Variants in PRLR observed in about 807,000 individuals in gnomAD.
PRLR encodes hPRL receptor.
PRLR carries 13 observed loss-of-function variants against 40.2 expected under a neutral mutation model. The observed-to-expected ratio is 0.32, with a 90% CI of 0.21 to 0.51. The LOEUF is 0.51. Among genes scored for constraint, PRLR ranks in the 20% least tolerant of loss-of-function variants. PRLR has a pLI of 0.97. For synonymous variants in PRLR, 269 were observed against 278.7 expected, an observed-to-expected ratio of 0.97 and a Z score of 0.35; for missense variants, 656 against 747.3, an observed-to-expected ratio of 0.88 and a Z score of 1.42.
chr5:35,134,375 C>T lies in PRLR; in HGVS notation c.-105-16253G>A, dbSNP rs867068464. ...GGCGCTGTGAAGATCATATTGCTTT[C>T]TGGTCACTCTGGTGAATAAGGGCGG... On this transcript the variant is annotated intron_variant, in intron 1 of 9. Transcript: ENST00000618457. Among the ~76,000 whole-genome samples, 5 of 144,310 alleles carry T rather than the reference C, an allele frequency of 3.5e-5. 1 individual carries two copies. Among genetic ancestry groups the T allele is most frequent in the South Asian group, 4.5e-4 (2 of 4,458 alleles). The allele number at this position is 144,310 out of a possible 152,430, so 94.7% of individuals were successfully genotyped here.
At chr5:35,109,907 C>T (rs1772538626) in intron 2 of PRLR, among the ~76,000 whole-genome samples, 1 of 152,202 alleles carries the variant, frequency 6.6e-6, no homozygotes, top group Non-Finnish European at 1.5e-5. Flanking sequence ...GCTATAAAGA[C>T]ACATGCACAC....
intron 1 of PRLR, among the ~76,000 whole-genome samples, chr5:35,140,279 T>C (rs1485928640): frequency 6.6e-6 from 1 of 152,252 alleles, no homozygotes; most frequent in African/African-American, 2.4e-5. Context: ...TACTGAACTC[T>C]ATTATTCCTG....
At chr5:35,119,786 C>A (rs1773219840) in intron 1 of PRLR, among the ~76,000 whole-genome samples, 1 of 152,164 alleles carries the variant, frequency 6.6e-6, no homozygotes, top group Admixed American at 6.5e-5. Context: ...ACACTCTTGG[C>A]AGAAACACTG....
intron 1 of PRLR, among the ~76,000 whole-genome samples, chr5:35,180,596 T>G (rs1350931714): frequency 6.6e-6 from 1 of 152,144 alleles, no homozygotes; most frequent in East Asian, 1.9e-4. Flanking sequence ...CCCTTTTTTT[T>G]TTATTATACT....
At chr5:35,175,837 G>T (rs2111960902) in intron 1 of PRLR, among the ~76,000 whole-genome samples, 1 of 151,834 alleles carries the variant, frequency 6.6e-6, no homozygotes, top group African/African-American at 2.4e-5. Flanking sequence ...TCTTCTTATT[G>T]TTCAACTATC....
chr5:35,178,178 T>C (rs922721798), intron 1 of PRLR, among the ~76,000 whole-genome samples: 5 of 152,316 alleles, frequency 3.3e-5, no homozygotes, highest in African/African-American at 1.2e-4. Context: ...TTTTTATTAT[T>C]GCAAGCTTAA....
At chr5:35,158,757 G>A (rs369817222) in intron 1 of PRLR, among the ~76,000 whole-genome samples, 15 of 152,192 alleles carry the variant, frequency 9.9e-5, no homozygotes, top group African/African-American at 2.6e-4. Context: ...TTCTGGGACC[G>A]TGAGCTGCAA....
At chr5:35,068,712 A>AT (rs369664121) in intron 8 of PRLR, 67 bp downstream of exon 8, 87,881 of 944,046 alleles carry the variant, frequency 0.093, 1,700 homozygotes, top group African/African-American at 0.24. Flanking sequence ...TCATCTTTGT[A>AT]TTTTTTTTTT....
At chr5:35,211,797 G>A (rs1235871871) in intron 1 of PRLR, among the ~76,000 whole-genome samples, 2 of 152,132 alleles carry the variant, frequency 1.3e-5, no homozygotes, top group Non-Finnish European at 2.9e-5. Flanking sequence ...TGTATAATAT[G>A]ATACCAGATT....
intron 1 of PRLR, among the ~76,000 whole-genome samples, chr5:35,156,141 AAAAAAAAAAAC>A (rs1774496346): frequency 1.5e-5 from 2 of 130,516 alleles, no homozygotes; most frequent in African/African-American, 6.3e-5. Flanking sequence ...AAAAAAAAAC[AAAAAAAAAAAC>A]AAAACCAACT....
chr5:35,221,963 G>A (rs767049646), intron 1 of PRLR, among the ~76,000 whole-genome samples: 3 of 152,098 alleles, frequency 2.0e-5, no homozygotes, highest in Non-Finnish European at 2.9e-5. Flanking sequence ...TAGTCTCACC[G>A]TGGGCAGTGA....
chr5:35,108,690 A>T (rs1220933421), intron 2 of PRLR, among the ~76,000 whole-genome samples: 13 of 152,210 alleles, frequency 8.5e-5, no homozygotes, highest in Non-Finnish European at 1.5e-5. Flanking sequence ...GGAGAACTAC[A>T]AACCACTGCT....
At chr5:35,179,949 T>C (rs1180280503) in intron 1 of PRLR, among the ~76,000 whole-genome samples, 1 of 152,214 alleles carries the variant, frequency 6.6e-6, no homozygotes, top group African/African-American at 2.4e-5. Flanking sequence ...CCTTGTAATA[T>C]TTAATGAAAT....
At chr5:35,086,089 G>A (rs1770832382) in intron 4 of PRLR, 119 bp downstream of exon 4, 13 of 1,240,812 alleles carry the variant, frequency 1.0e-5, no homozygotes, top group Middle Eastern at 2.0e-4. Context: ...TTTCCCCGGT[G>A]GTATGAACCT....
At chr5:35,215,367 T>C (rs10472950) in intron 1 of PRLR, among the ~76,000 whole-genome samples, 137,222 of 152,204 alleles carry the variant, frequency 0.9, 62,599 homozygotes, top group African/African-American at 0.96. Context: ...TTGCCCCACA[T>C]CCTTAGCATT....
At chr5:35,052,747 C>A (rs547896337), downstream of PRLR, among the ~76,000 whole-genome samples, 41 of 152,200 alleles carry the variant, frequency 2.7e-4, no homozygotes, top group Admixed American at 2.2e-3. Flanking sequence ...TGCCCCATAC[C>A]CAGAAGGAAG....
chr5:35,153,214 C>T (rs1774388762), intron 1 of PRLR, among the ~76,000 whole-genome samples: 1 of 152,168 alleles, frequency 6.6e-6, no homozygotes, highest in East Asian at 1.9e-4. Context: ...CAACACAAAG[C>T]TAAACAGATT....
Position 35,056,972 on chromosome 5 carries a change from T to C in PRLR, c.*8117A>G, listed in dbSNP as rs1768760030. 6.6e-6 allele frequency: 1 copy of C among 152,236 alleles called. No individual in the cohort carries two copies. Among genetic ancestry groups the C allele is most frequent in the Non-Finnish European group, 1.5e-5 (1 of 68,040 alleles). The allele number at this position is 152,236 out of a possible 1,614,324, so 9.4% of individuals were successfully genotyped here. A position where few individuals can be genotyped will look rare whatever the true frequency, so the allele number is the denominator to read the frequency against. ...CGGACATGAACAGTAAGTGAAACTT[T>C]CTAGGTTTAGATCCATTAAAAGATT... On this transcript the variant is annotated 3_prime_UTR_variant, in exon 10 of 10. Transcript: ENST00000618457.
At chr5:35,207,889 T>G (rs556244550) in intron 1 of PRLR, among the ~76,000 whole-genome samples, 1 of 152,304 alleles carries the variant, frequency 6.6e-6, no homozygotes, top group South Asian at 2.1e-4. Flanking sequence ...AGAGGATGCA[T>G]GCATTACCAG....
Sources: gnomAD v4.1 joint callset for allele counts (sites outside exome capture counted in the v4.1 genomes callset) on GRCh38, gnomAD v4.1.1 for gene constraint, MANE v1.5 for transcripts, NCBI Gene and HGNC (gene_info 2026-07-23, HGNC 2026-07-21) for gene names.